NF1: variants seen among roughly 807,000 people sequenced by gnomAD.
NF1 encodes the protein neurofibromin.
NF1 carries 122 observed loss-of-function variants against 325.7 expected under a neutral mutation model. The observed-to-expected ratio is 0.37, with a 90% confidence interval of 0.32 to 0.44. The LOEUF is 0.44. Among genes scored for constraint, NF1 ranks in the 20% least tolerant of loss-of-function variants. The pLI is 1.00. For synonymous variants in NF1, 1,091 were observed against 1,186.0 expected, an observed-to-expected ratio of 0.92 and a Z score of 1.65; for missense variants, 2,140 against 3,415.4, an observed-to-expected ratio of 0.63 and a Z score of 9.31.
At chr17:31,207,220 A>G (rs1208448451) in intron 12 of NF1, among the ~76,000 whole-genome samples, 4 of 152,152 alleles carry the variant, frequency 2.6e-5, no homozygotes, top group East Asian at 1.9e-4. Context: ...TTGTAACTAC[A>G]TCAGAAAAGT....
At chr17:31,135,428 T>A (rs1915693436) in intron 1 of NF1, among the ~76,000 whole-genome samples, 1 of 152,198 alleles carries the variant, frequency 6.6e-6, no homozygotes, top group African/African-American at 2.4e-5. Flanking sequence ...TTTATGTTTG[T>A]CTCTTATAAA....
chr17:31,319,721 A>G (rs1449532255), intron 36 of NF1, among the ~76,000 whole-genome samples: 2 of 150,916 alleles, frequency 1.3e-5, no homozygotes, highest in African/African-American at 4.9e-5. Flanking sequence ...CTGAAGGCAA[A>G]GGCATACCAG....
chr17:31,170,092 C>G (rs2065906476), intron 5 of NF1, 95 bp downstream of exon 5: 1 of 774,800 alleles, frequency 1.3e-6, no homozygotes, highest in Non-Finnish European at 2.2e-6. Flanking sequence ...TGAACTAGAA[C>G]ACCAAACTGG....
intron 12 of NF1, among the ~76,000 whole-genome samples, chr17:31,210,489 G>A (rs935897726): frequency 6.6e-6 from 1 of 152,158 alleles, no homozygotes; most frequent in African/African-American, 2.4e-5. Context: ...GGAGGCTGAG[G>A]CAGGAGAATT....
intron 36 of NF1, among the ~76,000 whole-genome samples, chr17:31,282,019 C>A (rs2068127584): frequency 6.6e-6 from 1 of 151,016 alleles, no homozygotes; most frequent in African/African-American, 2.4e-5. Flanking sequence ...GAGATCAAGC[C>A]ACTGCACTCC....
rs2151434652 is a variant in NF1 at position 31,232,790 on chromosome 17, T to G, written c.3405T>G (p.Ser1135=). 6.2e-7 allele frequency: 1 copy of G among 1,614,122 alleles called. No individual in the cohort carries two copies. The highest frequency in any genetic ancestry group is 1.3e-5 in the African/African-American group (1 of 75,022). The part of the protein sequence containing the change: ...AQTGGRKRGM[S]RRLASLRHCT... The stretch of plus-strand genomic sequence containing the variant: ...CAGGTGGCAGGAAACGTGGCATGTC[T>G]CGGAGGCTGGCATCACTGAGGCACT... The change falls in exon 26 of 58, where the codon TCT becomes TCG. Residue 1135 remains serine (S), a synonymous_variant. Transcript: ENST00000358273.
At chr17:31,319,875 TA>T (rs890962383) in intron 36 of NF1, among the ~76,000 whole-genome samples, 38 of 150,930 alleles carry the variant, frequency 2.5e-4, no homozygotes, top group Middle Eastern at 3.4e-3. Flanking sequence ...GACATAATTG[TA>T]AAAAAAAATG....
chr17:31,172,578 C>T (rs542742634), intron 5 of NF1, among the ~76,000 whole-genome samples: 52 of 152,100 alleles, frequency 3.4e-4, no homozygotes, highest in Middle Eastern at 3.4e-3. Flanking sequence ...AACCCTGTGA[C>T]GCAATACTAG....
chr17:31,248,542 T>G, intron 29 of NF1, among the ~76,000 whole-genome samples: 1 of 152,152 alleles, frequency 6.6e-6, no homozygotes, highest in East Asian at 1.9e-4. Context: ...TTTTTTTTTA[T>G]TTTTATTTTT....
intron 13 of NF1, 73 bp from the exon 14 acceptor site, chr17:31,218,932 C>G (rs1467824943): frequency 4.9e-6 from 7 of 1,427,460 alleles, no homozygotes; most frequent in Non-Finnish European, 6.8e-6. Context: ...CAGTCACTGT[C>G]TATTTCTTCC....
chr17:31,276,053 CA>C (rs552101225), intron 36 of NF1, among the ~76,000 whole-genome samples: 139 of 151,732 alleles, frequency 9.2e-4, no homozygotes, highest in Non-Finnish European at 1.5e-3. Context: ...ACTAAAAATA[CA>C]AAAAATTAGC....
chr17:31,131,946 T>C (rs1348239148), intron 1 of NF1, among the ~76,000 whole-genome samples: 1 of 152,210 alleles, frequency 6.6e-6, no homozygotes, highest in Non-Finnish European at 1.5e-5. Context: ...TTTTTATTTT[T>C]TTGAGACAGG....
chr17:31,362,279 T>A (rs2070418054), intron 57 of NF1: 2 of 985,378 alleles, frequency 2.0e-6, no homozygotes, highest in Non-Finnish European at 2.4e-6. Flanking sequence ...AAATTTACTT[T>A]TTTTACAGAT....
chr17:31,212,715 A>G (rs1477294846), intron 12 of NF1, among the ~76,000 whole-genome samples: 1 of 152,206 alleles, frequency 6.6e-6, no homozygotes, highest in African/African-American at 2.4e-5. Context: ...GTCTCAAAAT[A>G]TATATATTAT....
intron 5 of NF1, among the ~76,000 whole-genome samples, chr17:31,179,284 G>A (rs2066081916): frequency 6.6e-6 from 1 of 152,074 alleles, no homozygotes; most frequent in African/African-American, 2.4e-5. Context: ...ACAAAATGAA[G>A]GCAGAAATAA....
At chr17:31,255,536 A>G (rs2067568978) in intron 31 of NF1, among the ~76,000 whole-genome samples, 1 of 152,184 alleles carries the variant, frequency 6.6e-6, no homozygotes, top group African/African-American at 2.4e-5. Flanking sequence ...TCAGTGATAC[A>G]TATATTTATA....
intron 36 of NF1, among the ~76,000 whole-genome samples, chr17:31,291,165 T>G (rs1246690671): frequency 6.6e-6 from 1 of 152,226 alleles, no homozygotes; most frequent in Non-Finnish European, 1.5e-5. Flanking sequence ...TAAACTATAC[T>G]GGAAATAATT....
At position 31,217,019 on chromosome 17, in the gene NF1, T is replaced by A. The variant is rs142711989; in HGVS notation, c.1528-1986T>A. 3.9e-5 allele frequency among the ~76,000 whole-genome samples: 6 copies of A among 152,300 alleles called. No homozygotes were observed. In the East Asian group the frequency reaches 1.2e-3, roughly 29 times the overall value. ...TACCTTAATAATAGCTCTTATGTGA[T>A]TTGCATTTTTATACTTGTTGATCTG... On this transcript the variant is annotated intron_variant, in intron 13 of 57. Transcript: ENST00000358273.
At chr17:31,189,539 C>G (rs879842240) in intron 8 of NF1, among the ~76,000 whole-genome samples, 1 of 152,112 alleles carries the variant, frequency 6.6e-6, no homozygotes, top group South Asian at 2.1e-4. Context: ...CTGTTCCTCT[C>G]GCCTCACTCG....
Sources: gnomAD v4.1 joint callset for allele counts (sites outside exome capture counted in the v4.1 genomes callset) on GRCh38, gnomAD v4.1.1 for gene constraint, MANE v1.5 for transcripts, NCBI Gene and HGNC (gene_info 2026-07-23, HGNC 2026-07-21) for gene names.